Variants in PPFIA1 observed in about 807,000 individuals in gnomAD.
The protein encoded by PPFIA1 is PPFI scaffold protein A1, also known as liprin-alpha-1.
A neutral mutation model predicts 149.9 loss-of-function variants in PPFIA1; 25 were observed. The observed-to-expected ratio is 0.17, with a 90% CI of 0.12 to 0.23. The LOEUF (loss-of-function observed/expected upper bound fraction) is 0.23, where lower values mean the gene tolerates loss of function less well. Among genes scored for constraint, PPFIA1 ranks in the 10% least tolerant of loss-of-function variants. The probability of loss-of-function intolerance (pLI) is 1.00; values close to 1 mark genes in which losing one functional copy is unlikely to be tolerated. For missense variants in PPFIA1, 1,362 were observed against 1,506.5 expected, an observed-to-expected ratio of 0.90 and a Z score of 1.59; for synonymous variants, 549 against 552.8, an observed-to-expected ratio of 0.99 and a Z score of 0.10.
At chr11:70,290,186 T>C (rs1311726676) in intron 2 of PPFIA1, among the ~76,000 whole-genome samples, 1 of 152,160 alleles carries the variant, frequency 6.6e-6, no homozygotes, top group African/African-American at 2.4e-5. Context: ...TCCAAGATCA[T>C]ACCACTGCAC....
chr11:70,353,260 A>G (rs542794420), intron 16 of PPFIA1, among the ~76,000 whole-genome samples: 222 of 152,274 alleles, frequency 1.5e-3, no homozygotes, highest in Admixed American at 2.6e-3. Flanking sequence ...AGTCCCACCT[A>G]CTTTGGAGGC....
intron 9 of PPFIA1, 34 bp downstream of exon 9, chr11:70,332,128 C>A: frequency 6.4e-7 from 1 of 1,557,234 alleles, no homozygotes; most frequent in Non-Finnish European, 8.7e-7. Flanking sequence ...GTTCGGCTGC[C>A]AGGCCTGTGA....
intron 2 of PPFIA1, among the ~76,000 whole-genome samples, chr11:70,299,233 C>T (rs775653776): frequency 2.0e-5 from 3 of 151,594 alleles, no homozygotes; most frequent in Non-Finnish European, 4.4e-5. Flanking sequence ...AGTGAGTCTC[C>T]GTCTCAAAAG....
At chr11:70,358,686 C>T (rs1293917937) in intron 19 of PPFIA1, 2 of 152,174 alleles carry the variant, frequency 1.3e-5, no homozygotes, top group African/African-American at 2.4e-5. Flanking sequence ...GTTTTAACTG[C>T]AAAATTTACA....
chr11:70,285,397 A>C (rs2136137046), intron 2 of PPFIA1, among the ~76,000 whole-genome samples: 1 of 152,176 alleles, frequency 6.6e-6, no homozygotes, highest in South Asian at 2.1e-4. Context: ...CTGTGAGCAA[A>C]AATTAAAAAC....
At chr11:70,293,940 CTCT>C (rs2051710684) in intron 2 of PPFIA1, among the ~76,000 whole-genome samples, 1 of 117,066 alleles carries the variant, frequency 8.5e-6, no homozygotes, top group Admixed American at 8.7e-5. Context: ...CTCTCTCTCT[CTCT>C]TTTTTTTTTT....
At chr11:70,328,665 T>C (rs2054468311) in intron 7 of PPFIA1, among the ~76,000 whole-genome samples, 1 of 152,098 alleles carries the variant, frequency 6.6e-6, no homozygotes, top group Non-Finnish European at 1.5e-5. Flanking sequence ...TCTTCCACGA[T>C]GGTTGAACTA....
At chr11:70,296,133 G>A (rs76294966) in intron 2 of PPFIA1, among the ~76,000 whole-genome samples, 31,354 of 151,558 alleles carry the variant, frequency 0.21, 3,499 homozygotes, top group South Asian at 0.26. Flanking sequence ...TGGCAGCCGG[G>A]AAGAGGTGCT....
intron 2 of PPFIA1, among the ~76,000 whole-genome samples, chr11:70,322,740 G>A (rs1252571656): frequency 6.6e-6 from 1 of 152,074 alleles, no homozygotes; most frequent in Non-Finnish European, 1.5e-5. Flanking sequence ...ATATTTAATT[G>A]CAATAAAATA....
chr11:70,372,624 GT>G, intron 23 of PPFIA1, 50 bp downstream of exon 23: 2 of 1,456,364 alleles, frequency 1.4e-6, no homozygotes, highest in African/African-American at 1.4e-5. Context: ...TTGCTGGTGT[GT>G]TTGGAGCCTC....
In PPFIA1 at chr11:70,336,778, C is replaced by G. The variant is rs116719265; in HGVS notation, c.1429-587C>G. 4.8e-3 allele frequency among the ~76,000 whole-genome samples: 738 copies of G among 152,308 alleles called. 7 individuals are homozygous for G. Among genetic ancestry groups the G allele is most frequent in the African/African-American group, 0.017 (712 of 41,564 alleles). ...GCAGCTGGATTCCCGTTTGATAAAGCCTGTCCTGACTGTGCAGTGTCCCTA... is the reference window on the plus strand; with the variant it reads ...GCAGCTGGATTCCCGTTTGATAAAGGCTGTCCTGACTGTGCAGTGTCCCTA... On this transcript the variant is annotated intron_variant, in intron 11 of 27. Coordinates refer to ENST00000253925, the MANE Select transcript of PPFIA1 (RefSeq NM_003626.5).
At chr11:70,348,152 C>T (rs747962730) in intron 15 of PPFIA1, 37 bp from the exon 16 acceptor site, 9 of 1,592,072 alleles carry the variant, frequency 5.7e-6, no homozygotes, top group East Asian at 2.2e-5. Context: ...ATCTGTTTGC[C>T]GAAACAGGAG....
intron 9 of PPFIA1, among the ~76,000 whole-genome samples, chr11:70,332,474 T>A (rs2054725141): frequency 6.6e-6 from 1 of 152,200 alleles, no homozygotes; most frequent in Non-Finnish European, 1.5e-5. Flanking sequence ...AAATTCTTCA[T>A]AAACACATTT....
At chr11:70,315,099 C>A (rs2053522388) in intron 2 of PPFIA1, among the ~76,000 whole-genome samples, 1 of 152,168 alleles carries the variant, frequency 6.6e-6, no homozygotes, top group Non-Finnish European at 1.5e-5. Flanking sequence ...CTGCCCTCAA[C>A]ACATGGGAAT....
chr11:70,325,287 A>G lies in PPFIA1; in HGVS notation c.532-213A>G, dbSNP rs1168456641. On this transcript the variant is annotated intron_variant, in intron 4 of 27. Transcript: ENST00000253925. ...GCAATTACTTTTGCAACAACCTGATATTTCGGGGGAAGATTTATTTTTCTG... is the reference window on the plus strand; with the variant it reads ...GCAATTACTTTTGCAACAACCTGATGTTTCGGGGGAAGATTTATTTTTCTG... Among the ~76,000 whole-genome samples, 5 of 152,146 alleles carry G rather than the reference A, an allele frequency of 3.3e-5. No individual in the cohort carries two copies. The East Asian group carries it at 9.7e-4, about 29-fold the overall frequency.
At position 70,333,464 on chromosome 11, in the gene PPFIA1, T is replaced by C. The variant is rs1333993048; in HGVS notation, c.1213-6T>C. On this transcript the variant is annotated splice_region_variant and splice_polypyrimidine_tract_variant and intron_variant, in intron 9 of 27. Transcript: ENST00000253925. ...TGACGTCAGCGTACGCTGTTTCTGC[T>C]GACAGGCTGAAGAGAGACACGGCAA... 6.2e-7 allele frequency: 1 copy of C among 1,611,326 alleles called. No individual in the cohort carries two copies. Among genetic ancestry groups the C allele is most frequent in the East Asian group, 2.2e-5 (1 of 44,860 alleles).
intron 2 of PPFIA1, among the ~76,000 whole-genome samples, chr11:70,273,981 C>T (rs865967105): frequency 1.4e-4 from 21 of 152,206 alleles, no homozygotes; most frequent in Admixed American, 3.9e-4. Context: ...GAGGTTGTCA[C>T]ACACACTGGT....
chr11:70,356,372 T>A, intron 19 of PPFIA1, 118 bp downstream of exon 19: 2 of 763,404 alleles, frequency 2.6e-6, no homozygotes, highest in Non-Finnish European at 4.3e-6. Flanking sequence ...TTCTGAAAGC[T>A]TTACCTACAG....
chr11:70,364,043 T>G (rs1017961352), intron 21 of PPFIA1, among the ~76,000 whole-genome samples: 2 of 152,174 alleles, frequency 1.3e-5, no homozygotes, highest in African/African-American at 4.8e-5. Flanking sequence ...TAAAGAATTC[T>G]AATCCTCCCT....
Sources: gnomAD v4.1 joint callset for allele counts (sites outside exome capture counted in the v4.1 genomes callset) on GRCh38, gnomAD v4.1.1 for gene constraint, MANE v1.5 for transcripts, NCBI Gene and HGNC (gene_info 2026-07-23, HGNC 2026-07-21) for gene names.